PTPRD: variants seen among roughly 807,000 people sequenced by gnomAD.
PTPRD encodes the protein protein tyrosine phosphatase receptor type D.
PTPRD carries 34 observed loss-of-function variants against 214.5 expected under a neutral mutation model. The ratio of observed to expected loss-of-function variants is 0.16; its 90% CI spans 0.12 to 0.21. The LOEUF (loss-of-function observed/expected upper bound fraction) is 0.21. Among genes scored for constraint, PTPRD ranks in the 10% least tolerant of loss-of-function variants. The pLI is 1.00. For synonymous variants in PTPRD, 1,128 were observed against 845.7 expected, an observed-to-expected ratio of 1.33 and a Z score of -5.79; for missense variants, 2,545 against 2,398.7, an observed-to-expected ratio of 1.06 and a Z score of -1.27.
intron 2 of PTPRD, among the ~76,000 whole-genome samples, chr9:10,535,684 T>C (rs964466959): frequency 1.4e-4 from 21 of 150,834 alleles, no homozygotes; most frequent in African/African-American, 5.2e-4. Context: ...GAATATAATA[T>C]ATTTGACTTT....
intron 39 of PTPRD, among the ~76,000 whole-genome samples, chr9:8,369,217 C>T (rs1271237245): frequency 6.6e-6 from 1 of 152,104 alleles, no homozygotes; most frequent in Non-Finnish European, 1.5e-5. Context: ...CAATTTTCCA[C>T]AGCACTCTTA....
rs545492468 is a variant in PTPRD at position 10,378,520 on chromosome 9, C to T, written c.-599-37503G>A. 2.6e-5 allele frequency among the ~76,000 whole-genome samples: 4 copies of T among 152,078 alleles called. No individual in the cohort carries two copies. The East Asian group carries it at 7.8e-4, about 30-fold the overall frequency. ...GATAGTAGACCCCTATCTCTAGTTT[C>T]ATTCTTCTGCATGTGAATACCCAGT... On this transcript the variant is annotated intron_variant, in intron 2 of 45. Coordinates refer to ENST00000381196, the MANE Select transcript of PTPRD (RefSeq NM_002839.4).
At chr9:9,280,940 A>C (rs1947468732) in intron 9 of PTPRD, among the ~76,000 whole-genome samples, 1 of 151,366 alleles carries the variant, frequency 6.6e-6, no homozygotes, top group African/African-American at 2.4e-5. Flanking sequence ...TCAATGGAAC[A>C]GAAAAGAGAG....
chr9:10,234,039 G>A (rs959188160), intron 3 of PTPRD, among the ~76,000 whole-genome samples: 6 of 151,424 alleles, frequency 4.0e-5, no homozygotes, highest in East Asian at 3.9e-4. Context: ...GTTCACCTTA[G>A]GTCAGGAATT....
intron 14 of PTPRD, among the ~76,000 whole-genome samples, chr9:8,623,828 C>G (rs888536203): frequency 6.6e-6 from 1 of 151,808 alleles, no homozygotes; most frequent in African/African-American, 2.4e-5. Context: ...TTTGCTGAAC[C>G]TACACCCATA....
chr9:9,255,631 A>C (rs1374499005), intron 9 of PTPRD, among the ~76,000 whole-genome samples: 1 of 152,042 alleles, frequency 6.6e-6, no homozygotes, highest in Non-Finnish European at 1.5e-5. Flanking sequence ...GTACAAAGAG[A>C]TGCTAAGAAT....
intron 2 of PTPRD, among the ~76,000 whole-genome samples, chr9:10,485,373 G>T (rs1306834661): frequency 2.6e-5 from 4 of 151,942 alleles, no homozygotes; most frequent in Admixed American, 1.3e-4. Context: ...ATAACTTTGA[G>T]AATTTTTTTC....
At chr9:9,989,729 A>T (rs2095848159) in intron 4 of PTPRD, among the ~76,000 whole-genome samples, 1 of 152,230 alleles carries the variant, frequency 6.6e-6, no homozygotes, top group Non-Finnish European at 1.5e-5. Flanking sequence ...CATGGATGGC[A>T]AAGCTAAAAG....
At chr9:9,904,101 T>G (rs2077014890) in intron 5 of PTPRD, among the ~76,000 whole-genome samples, 1 of 152,108 alleles carries the variant, frequency 6.6e-6, no homozygotes, top group Non-Finnish European at 1.5e-5. Context: ...TTCCTTTTCA[T>G]CATCTCACTT....
At chr9:9,499,796 C>A (rs2096341944) in intron 8 of PTPRD, among the ~76,000 whole-genome samples, 1 of 151,998 alleles carries the variant, frequency 6.6e-6, no homozygotes, top group Non-Finnish European at 1.5e-5. Flanking sequence ...AAAAACAGTG[C>A]CTGATTTCTT....
intron 39 of PTPRD, among the ~76,000 whole-genome samples, chr9:8,369,152 A>T (rs2080798551): frequency 6.6e-6 from 1 of 152,172 alleles, no homozygotes; most frequent in Non-Finnish European, 1.5e-5. Flanking sequence ...ATTTGAATGG[A>T]ACATTAGAAG....
rs1338504538 is a variant in PTPRD, at chr9:10,612,859, G to A, written c.-879C>T. On this transcript the variant is annotated 5_prime_UTR_variant, in exon 1 of 46. Coordinates refer to ENST00000381196, the MANE Select transcript of PTPRD (RefSeq NM_002839.4). The stretch of plus-strand genomic sequence containing the variant: ...GAGAAGCAGCCGAGACGGCAAGGAG[G>A]AGGCGAGGCTCTGTCGGGGCGAGGC... 1 of 152,090 alleles carries A rather than the reference G, an allele frequency of 6.6e-6. No individual in the cohort carries two copies. Among genetic ancestry groups the A allele is most frequent in the Non-Finnish European group, 1.5e-5 (1 of 68,042 alleles). 9.4% of individuals were successfully genotyped at this position (152,090 alleles called of 1,614,324 possible). A position where few individuals can be genotyped will look rare whatever the true frequency, so the allele number is the denominator to read the frequency against.
chr9:9,439,092 G>A (rs964903446), intron 8 of PTPRD, among the ~76,000 whole-genome samples: 1 of 151,894 alleles, frequency 6.6e-6, no homozygotes, highest in South Asian at 2.1e-4. Context: ...TCAAAGATAA[G>A]AATTCATAAA....
chr9:8,785,152 G>C lies in PTPRD; in HGVS notation c.-103-51206C>G, dbSNP rs555157960. 5.9e-5 allele frequency among the ~76,000 whole-genome samples: 9 copies of C among 152,142 alleles called. No homozygotes were observed. The East Asian group carries it at 9.7e-4, about 16-fold the overall frequency. ...ACCAAAAATCAGGACTTGGTGTATA[G>C]ACACAAATATGTACAAGAAAAGAAA... On this transcript the variant is annotated intron_variant, in intron 11 of 45. Transcript: ENST00000381196.
chr9:10,217,371 GC>G (rs2099546568), intron 3 of PTPRD, among the ~76,000 whole-genome samples: 1 of 151,550 alleles, frequency 6.6e-6, no homozygotes, highest in South Asian at 2.1e-4. Flanking sequence ...ACCCAACTCA[GC>G]CTCCCCCTCC....
intron 5 of PTPRD, among the ~76,000 whole-genome samples, chr9:9,892,594 T>C (rs763037411): frequency 1.3e-5 from 2 of 152,110 alleles, no homozygotes; most frequent in African/African-American, 2.4e-5. Context: ...GAAAAAGCAT[T>C]GGAACATTTT....
At chr9:10,123,569 T>C (rs764673451) in intron 3 of PTPRD, among the ~76,000 whole-genome samples, 1 of 152,306 alleles carries the variant, frequency 6.6e-6, no homozygotes, top group African/African-American at 2.4e-5. Context: ...TCTTGTTATA[T>C]AACTACTGAC....
Position 10,020,058 on chromosome 9 carries a change from GT to G in PTPRD, c.-472+13659del, listed in dbSNP as rs1381836660. On this transcript the variant is annotated intron_variant, in intron 4 of 45. Coordinates refer to ENST00000381196, the MANE Select transcript of PTPRD (RefSeq NM_002839.4). ...TGTTTTATATAACTCAGTTTCAGATGTTGAAGAAAGACGGAAGTTATTAATA... is the reference window on the plus strand; with the variant it reads ...TGTTTTATATAACTCAGTTTCAGATGTGAAGAAAGACGGAAGTTATTAATA... Among the ~76,000 whole-genome samples, 6 of 152,248 alleles carry G rather than the reference GT, an allele frequency of 3.9e-5. No homozygotes were observed. In the East Asian group the frequency reaches 5.8e-4, roughly 15 times the overall value.
At chr9:9,751,898 G>A (rs1564980678) in intron 6 of PTPRD, among the ~76,000 whole-genome samples, 2 of 152,058 alleles carry the variant, frequency 1.3e-5, no homozygotes, top group Non-Finnish European at 2.9e-5. Context: ...GATATATAAA[G>A]CATGTCACAC....
Sources: gnomAD v4.1 joint callset for allele counts (sites outside exome capture counted in the v4.1 genomes callset) on GRCh38, gnomAD v4.1.1 for gene constraint, MANE v1.5 for transcripts, NCBI Gene and HGNC (gene_info 2026-07-23, HGNC 2026-07-21) for gene names.